ZFHX3: variants seen among roughly 807,000 people sequenced by gnomAD.
The protein encoded by ZFHX3 is zinc finger homeobox 3.
In ZFHX3, 42 loss-of-function variants were observed where a neutral mutation model predicts 279.1. The ratio of observed to expected loss-of-function variants is 0.15; its 90% CI spans 0.12 to 0.19. The LOEUF (loss-of-function observed/expected upper bound fraction) is 0.19, where lower values mean the gene tolerates loss of function less well. ZFHX3 is among the 10% of genes least tolerant of loss of function. ZFHX3 has a pLI of 1.00. For missense variants in ZFHX3, 4,981 were observed against 4,754.0 expected, an observed-to-expected ratio of 1.05 and a Z score of -1.40; for synonymous variants, 2,293 against 1,957.8, an observed-to-expected ratio of 1.17 and a Z score of -4.52.
intron 1 of ZFHX3, among the ~76,000 whole-genome samples, chr16:73,010,041 A>C (rs1485658433): frequency 1.3e-5 from 2 of 149,660 alleles, no homozygotes; most frequent in African/African-American, 2.5e-5. Context: ...AAAAAAAAAA[A>C]AACTCATAAA....
chr16:73,626,751 T>G (rs2052420921), intron 2 of ZFHX3, among the ~76,000 whole-genome samples: 1 of 152,200 alleles, frequency 6.6e-6, no homozygotes, highest in Non-Finnish European at 1.5e-5. Context: ...ATCCCCCATT[T>G]TTCACTGACT....
chr16:73,005,954 T>C (rs925315590), intron 1 of ZFHX3: 21 of 152,374 alleles, frequency 1.4e-4, no homozygotes, highest in African/African-American at 5.0e-4. Context: ...TTCTAACCAG[T>C]TTTTCCCAGT....
chr16:73,778,398 T>C (rs1057390584), intron 1 of ZFHX3, among the ~76,000 whole-genome samples: 3 of 152,224 alleles, frequency 2.0e-5, no homozygotes, highest in African/African-American at 7.2e-5. Flanking sequence ...TCTCTGTTAA[T>C]TACCTTACCT....
chr16:72,844,184 G>A (rs754670531), intron 4 of ZFHX3, among the ~76,000 whole-genome samples: 24 of 152,122 alleles, frequency 1.6e-4, no homozygotes, highest in South Asian at 6.2e-4. Flanking sequence ...TCACAGCCCC[G>A]AATCCCAGCC....
At chr16:73,752,225 T>C (rs2053768260) in intron 1 of ZFHX3, among the ~76,000 whole-genome samples, 2 of 152,098 alleles carry the variant, frequency 1.3e-5, no homozygotes, top group African/African-American at 4.8e-5. Context: ...TCCATGTGCG[T>C]CTCTGTGGTC....
Position 73,857,074 on chromosome 16 carries a change from A to C in ZFHX3, c.-1608+34577T>G, listed in dbSNP as rs557167361. On this transcript the variant is annotated intron_variant, in intron 1 of 17. Transcript: ENST00000641206. ...CAGGAAGAGCCTTTCCTACCAATTA[A>C]AGGTAGTCAATATTGATTATCTGAG... 7.6e-4 allele frequency among the ~76,000 whole-genome samples: 115 copies of C among 152,302 alleles called. 1 individual carries two copies. Among genetic ancestry groups the C allele is most frequent in the African/African-American group, 2.5e-3 (106 of 41,572 alleles).
rs765792479 is a variant in ZFHX3, at chr16:72,958,697, T to G, written c.1449A>C (p.Glu483Asp). 2 of 1,611,284 alleles carry G rather than the reference T, an allele frequency of 1.2e-6. No homozygotes were observed. Among genetic ancestry groups the G allele is most frequent in the South Asian group, 1.1e-5 (1 of 90,882 alleles). The change falls in exon 2 of 10, where the codon GAA becomes GAC. Residue 483 changes from glutamate to aspartate, a missense_variant. Glu to Asp is a conservative substitution (Grantham distance 45, BLOSUM62 2). This residue lies in a region of ZFHX3 where 1,068 missense variants were observed against 935.2 expected (regional missense o/e 1.14). Transcript: ENST00000268489. Reference sequence around the variant, plus strand: ...TGCAACCCTCGTCTTCCTCCTCCTCTTCTTCCTCCTCCTCTTCTTCCTCCT... The same window carrying G: ...TGCAACCCTCGTCTTCCTCCTCCTCGTCTTCCTCCTCCTCTTCTTCCTCCT... Reference protein sequence around the residue: ...EEEEEEEEEEEEEEEDEGCKG... With the variant: ...EEEEEEEEEEDEEEEDEGCKG...
At chr16:72,835,349 C>G (rs974264154) in intron 4 of ZFHX3, among the ~76,000 whole-genome samples, 1 of 151,914 alleles carries the variant, frequency 6.6e-6, no homozygotes, top group Non-Finnish European at 1.5e-5. Flanking sequence ...AAATATCAGG[C>G]CTGTTCTGAA....
chr16:73,345,990 T>C (rs928402516), intron 3 of ZFHX3, among the ~76,000 whole-genome samples: 4 of 152,160 alleles, frequency 2.6e-5, no homozygotes, highest in African/African-American at 4.8e-5. Context: ...TTCTGGGCTA[T>C]GTATTATTCC....
At chr16:72,812,075 G>C (rs373430544) in intron 5 of ZFHX3, 37 bp from the exon 6 acceptor site, 584 of 1,607,414 alleles carry the variant, frequency 3.6e-4, no homozygotes, top group Non-Finnish European at 4.9e-4. Context: ...ACAGCAGCCA[G>C]ACCAGGCCAG....
intron 1 of ZFHX3, among the ~76,000 whole-genome samples, chr16:73,848,980 G>A (rs781251789): frequency 1.3e-5 from 2 of 152,180 alleles, no homozygotes; most frequent in East Asian, 1.9e-4. Flanking sequence ...CATTTTCTTC[G>A]ACTGTTCAGT....
intron 1 of ZFHX3, among the ~76,000 whole-genome samples, chr16:73,802,552 C>T (rs934114616): frequency 6.6e-6 from 1 of 152,144 alleles, no homozygotes; most frequent in Non-Finnish European, 1.5e-5. Context: ...ACACTAAACT[C>T]AGGGAAAAGA....
intron 2 of ZFHX3, among the ~76,000 whole-genome samples, chr16:73,624,917 T>C (rs1042360478): frequency 6.6e-6 from 1 of 152,238 alleles, no homozygotes; most frequent in Admixed American, 6.5e-5. Context: ...AGATGTGCTA[T>C]AGTAATGAAC....
chr16:73,044,662 C>T (rs1414333936), intron 1 of ZFHX3, among the ~76,000 whole-genome samples: 1 of 152,122 alleles, frequency 6.6e-6, no homozygotes, highest in Non-Finnish European at 1.5e-5. Flanking sequence ...GCTCTTGTTG[C>T]CCAGGCTAGA....
intron 1 of ZFHX3, among the ~76,000 whole-genome samples, chr16:73,729,404 C>G (rs1173885997): frequency 6.6e-6 from 1 of 152,174 alleles, no homozygotes; most frequent in Non-Finnish European, 1.5e-5. Context: ...TGGCGCATGC[C>G]TGTAATCTCA....
At chr16:72,870,498 A>G (rs902635430) in intron 4 of ZFHX3, among the ~76,000 whole-genome samples, 2 of 152,142 alleles carry the variant, frequency 1.3e-5, no homozygotes, top group Non-Finnish European at 2.9e-5. Flanking sequence ...TCACGGGGTC[A>G]GGAGATCGAG....
intron 2 of ZFHX3, among the ~76,000 whole-genome samples, chr16:73,647,551 A>G (rs2052631662): frequency 6.6e-6 from 1 of 152,132 alleles, no homozygotes; most frequent in Non-Finnish European, 1.5e-5. Flanking sequence ...CCTCCCAGTC[A>G]TGCTTCCTGT....
In ZFHX3 at chr16:73,009,416, G is replaced by C. The variant is rs534270397; in HGVS notation, c.-50+38336C>G. ...TGTATGTAATTGCAAACACCACCAA[G>C]TTATGTACTCTTGGGAGCATTATTA... is the stretch of plus-strand genomic sequence containing the variant. On this transcript the variant is annotated intron_variant, in intron 1 of 9. Transcript: ENST00000268489. Among the ~76,000 whole-genome samples, 34 of 151,682 alleles carry C rather than the reference G, an allele frequency of 2.2e-4. No individual in the cohort carries two copies. The South Asian group carries it at 6.0e-3, about 27-fold the overall frequency.
chr16:73,793,717 C>T (rs1959903244), intron 1 of ZFHX3, among the ~76,000 whole-genome samples: 1 of 152,066 alleles, frequency 6.6e-6, no homozygotes, highest in Non-Finnish European at 1.5e-5. Context: ...ATCAGACCTT[C>T]AGAAAAGTTA....
Sources: gnomAD v4.1 joint callset for allele counts (sites outside exome capture counted in the v4.1 genomes callset) on GRCh38, gnomAD v4.1.1 for gene constraint, gnomAD v4.1.1 regional missense constraint, MANE v1.5 for transcripts, NCBI Gene and HGNC (gene_info 2026-07-23, HGNC 2026-07-21) for gene names.